Variants in SPATA17 observed in about 807,000 individuals in gnomAD.
The protein encoded by SPATA17 is spermatogenesis-associated protein 17.
In SPATA17, 53 loss-of-function variants were observed where a neutral mutation model predicts 62.2. The ratio of observed to expected loss-of-function variants is 0.85; its 90% CI spans 0.68 to 1.07. The LOEUF is 1.07. Among genes scored for constraint, SPATA17 ranks in the 50% least tolerant of loss-of-function variants. The pLI, the probability that SPATA17 is intolerant of heterozygous loss-of-function variation, is 0.00. For synonymous variants in SPATA17, 146 were observed against 146.8 expected, an observed-to-expected ratio of 0.99 and a Z score of 0.04; for missense variants, 466 against 425.5, an observed-to-expected ratio of 1.10 and a Z score of -0.84.
intron 6 of SPATA17, among the ~76,000 whole-genome samples, chr1:217,742,968 ATT>A (rs1491403218): frequency 2.8e-5 from 4 of 141,256 alleles, no homozygotes; most frequent in Non-Finnish European, 6.4e-5. Context: ...ATATATATAT[ATT>A]AAATCCTGGG....
chr1:217,639,210 C>A (rs1670002252), intron 1 of SPATA17, among the ~76,000 whole-genome samples: 1 of 152,016 alleles, frequency 6.6e-6, no homozygotes, highest in Non-Finnish European at 1.5e-5. Flanking sequence ...CTATTCTGGA[C>A]AGAAAATAAA....
intron 5 of SPATA17, among the ~76,000 whole-genome samples, chr1:217,698,714 T>TTGTG (rs139955351): frequency 6.6e-6 from 1 of 151,928 alleles, no homozygotes; most frequent in South Asian, 2.1e-4. Flanking sequence ...CAAATTTACT[T>TTGTG]TGTGTGTGTG....
intron 8 of SPATA17, among the ~76,000 whole-genome samples, chr1:217,797,530 A>G (rs374649174): frequency 2.4e-4 from 36 of 152,102 alleles, no homozygotes; most frequent in African/African-American, 8.0e-4. Context: ...GATTACAGGC[A>G]TTAGCCACAG....
intron 9 of SPATA17, among the ~76,000 whole-genome samples, chr1:217,818,701 T>C (rs1674782359): frequency 6.6e-6 from 1 of 151,930 alleles, no homozygotes; most frequent in Non-Finnish European, 1.5e-5. Flanking sequence ...CCTTTCAATA[T>C]GTAGATTTAA....
intron 4 of SPATA17, among the ~76,000 whole-genome samples, chr1:217,674,170 A>G (rs1375614842): frequency 6.6e-6 from 1 of 152,116 alleles, no homozygotes; most frequent in Non-Finnish European, 1.5e-5. Flanking sequence ...GGGGATACCT[A>G]AGTGTACTGT....
At chr1:217,795,469 A>T (rs1674112770) in intron 8 of SPATA17, among the ~76,000 whole-genome samples, 1 of 143,246 alleles carries the variant, frequency 7.0e-6, no homozygotes, top group South Asian at 2.2e-4. Flanking sequence ...TCTGGCGTTC[A>T]ATTGATTCTT....
chr1:217,635,753 A>C (rs1669921581), intron 1 of SPATA17, among the ~76,000 whole-genome samples: 1 of 147,372 alleles, frequency 6.8e-6, no homozygotes, highest in Admixed American at 6.7e-5. Context: ...GAAATGAGGA[A>C]TGTCTGGGTT....
intron 5 of SPATA17, among the ~76,000 whole-genome samples, chr1:217,725,577 C>G (rs1672240792): frequency 6.6e-6 from 1 of 152,164 alleles, no homozygotes; most frequent in Non-Finnish European, 1.5e-5. Context: ...AGTCTGGTCC[C>G]CCAGCCTCCT....
intron 7 of SPATA17, among the ~76,000 whole-genome samples, chr1:217,776,959 C>G (rs1253173052): frequency 6.6e-6 from 1 of 152,134 alleles, no homozygotes; most frequent in Non-Finnish European, 1.5e-5. Flanking sequence ...GAAGTGACAT[C>G]CCATCACTTC....
At chr1:217,807,968 T>C (rs1338703140) in intron 9 of SPATA17, among the ~76,000 whole-genome samples, 3 of 152,210 alleles carry the variant, frequency 2.0e-5, no homozygotes, top group Non-Finnish European at 4.4e-5. Flanking sequence ...TATTAACACA[T>C]GCCATACCTA....
At chr1:217,705,286 T>G (rs1437958201) in intron 5 of SPATA17, among the ~76,000 whole-genome samples, 1 of 142,580 alleles carries the variant, frequency 7.0e-6, no homozygotes, top group African/African-American at 2.5e-5. Context: ...TTAAGTTCCT[T>G]ATAAATTCTG....
At chr1:217,772,718 T>G (rs1332072800) in intron 6 of SPATA17, among the ~76,000 whole-genome samples, 1 of 152,306 alleles carries the variant, frequency 6.6e-6, no homozygotes, top group East Asian at 1.9e-4. Context: ...CATTCATTTA[T>G]TGAGTGCCTA....
chr1:217,757,125 C>T (rs1213350844), intron 6 of SPATA17, among the ~76,000 whole-genome samples: 2 of 152,098 alleles, frequency 1.3e-5, no homozygotes, highest in East Asian at 3.9e-4. Flanking sequence ...TGATATTTGC[C>T]AAAGTGCTGT....
intron 6 of SPATA17, among the ~76,000 whole-genome samples, chr1:217,756,495 T>A (rs1308256612): frequency 6.6e-6 from 1 of 152,204 alleles, no homozygotes; most frequent in Non-Finnish European, 1.5e-5. Flanking sequence ...CGTTTATGGA[T>A]GGTTTCAAGG....
intron 10 of SPATA17, among the ~76,000 whole-genome samples, chr1:217,864,696 A>G (rs1047932335): frequency 1.3e-5 from 2 of 152,206 alleles, no homozygotes; most frequent in Non-Finnish European, 2.9e-5. Flanking sequence ...TTGATGTTTT[A>G]ATGCAACCAG....
chr1:217,763,390 G>A (rs1388382805), intron 6 of SPATA17, among the ~76,000 whole-genome samples: 1 of 139,296 alleles, frequency 7.2e-6, no homozygotes, highest in African/African-American at 2.8e-5. Flanking sequence ...AGGCAAATAA[G>A]CAGATGGAAA....
intron 4 of SPATA17, among the ~76,000 whole-genome samples, chr1:217,680,578 C>T (rs566952446): frequency 4.4e-4 from 67 of 152,154 alleles, no homozygotes; most frequent in African/African-American, 1.5e-3. Context: ...TTTTGAAAGA[C>T]ACTTTGAATA....
intron 9 of SPATA17, among the ~76,000 whole-genome samples, chr1:217,806,703 G>A (rs568034327): frequency 7.9e-5 from 12 of 152,120 alleles, no homozygotes; most frequent in Admixed American, 6.5e-4. Flanking sequence ...GAAATATAAG[G>A]TATTGTTTCT....
intron 3 of SPATA17, among the ~76,000 whole-genome samples, chr1:217,653,084 C>T (rs1670362352): frequency 6.6e-6 from 1 of 152,254 alleles, no homozygotes; most frequent in East Asian, 1.9e-4. Flanking sequence ...ATCAGATTAG[C>T]TCCATTTTAC....
Sources: allele counts gnomAD v4.1 joint callset (sites outside exome capture counted in the v4.1 genomes callset), GRCh38; gene constraint gnomAD v4.1.1; transcripts MANE v1.5; gene names NCBI Gene and HGNC (gene_info 2026-07-23, HGNC 2026-07-21).